CRYBG3: variants seen among roughly 807,000 people sequenced by gnomAD.
The protein encoded by CRYBG3 is crystallin beta-gamma domain containing 3, also known as very large A-kinase anchor protein.
In CRYBG3, 127 loss-of-function variants were observed where a neutral mutation model predicts 244.2. The observed-to-expected ratio is 0.52, with a 90% CI of 0.45 to 0.60. CRYBG3 has a LOEUF of 0.60. Among genes scored for constraint, CRYBG3 ranks in the 20% least tolerant of loss-of-function variants. CRYBG3 has a pLI of 0.00. For missense variants in CRYBG3, 3,325 were observed against 3,442.5 expected (o/e 0.97, Z 0.85); for synonymous variants, 1,132 against 1,195.8 (o/e 0.95, Z 1.10).
At chr3:97,869,967 C>A (rs989592556) in intron 3 of CRYBG3, among the ~76,000 whole-genome samples, 3 of 151,976 alleles carry the variant, frequency 2.0e-5, no homozygotes, top group Admixed American at 2.0e-4. Context: ...AATGTAACTG[C>A]TTTAAAGTTG....
chr3:97,876,447 C>T lies in CRYBG3; in HGVS notation c.5253C>T (p.Gly1751=), dbSNP rs1166320105. 8.1e-7 allele frequency: 1 copy of T among 1,231,950 alleles called. No individual in the cohort carries two copies. The highest frequency in any genetic ancestry group is 1.0e-6 in the Non-Finnish European group (1 of 987,920). 76.3% of individuals were successfully genotyped at this position (1,231,950 alleles called of 1,614,324 possible). ...TYPKDTERDG[G]KTEVMPLALE... ...CAAAGGATACTGAAAGAGACGGTGG[C>T]AAAACTGAGGTGATGCCCCTTGCAT... Residue 1751 remains glycine (G), a synonymous_variant, in exon 4 of 22, where the codon GGC becomes GGT. Coordinates refer to ENST00000389622, the MANE Select transcript of CRYBG3 (RefSeq NM_153605.4).
At chr3:97,938,134 CCAA>C (rs2040184524) in intron 19 of CRYBG3, among the ~76,000 whole-genome samples, 1 of 151,494 alleles carries the variant, frequency 6.6e-6, no homozygotes, top group Non-Finnish European at 1.5e-5. Context: ...TTGCTTGATT[CCAA>C]CAACAGTCCT....
intron 2 of CRYBG3, among the ~76,000 whole-genome samples, chr3:97,849,438 TAAA>T: frequency 6.8e-6 from 1 of 146,292 alleles, no homozygotes; most frequent in African/African-American, 2.5e-5. Flanking sequence ...TGATTGCTTC[TAAA>T]AAAAAAAAGT....
chr3:97,944,980 T>G lies in CRYBG3; in HGVS notation c.*1666T>G. 2.5e-6 allele frequency: 1 copy of G among 407,714 alleles called. No individual in the cohort carries two copies. The highest frequency in any genetic ancestry group is 4.2e-5 in the Admixed American group (1 of 23,900). 25.3% of individuals were successfully genotyped at this position (407,714 alleles called of 1,614,324 possible). On this transcript the variant is annotated 3_prime_UTR_variant, in exon 22 of 22. Coordinates refer to ENST00000389622, the MANE Select transcript of CRYBG3 (RefSeq NM_153605.4). Reference sequence around the variant, plus strand: ...GTCAAAATATGGTTTTGTCATTTTCTGAGACACTTGGTAATTTGCTGTTCT... The same window carrying G: ...GTCAAAATATGGTTTTGTCATTTTCGGAGACACTTGGTAATTTGCTGTTCT...
chr3:97,894,157 T>C (rs2039613152), intron 11 of CRYBG3, among the ~76,000 whole-genome samples: 1 of 152,186 alleles, frequency 6.6e-6, no homozygotes, highest in African/African-American at 2.4e-5. Context: ...TTTTGCCTTT[T>C]CCTCACTTTG....
chr3:97,915,893 C>T (rs760770188), intron 17 of CRYBG3, among the ~76,000 whole-genome samples, 157 bp downstream of exon 17: 23 of 152,020 alleles, frequency 1.5e-4, no homozygotes, highest in Non-Finnish European at 2.8e-4. Flanking sequence ...AACTGAGGTT[C>T]ATTCATGAAC....
intron 15 of CRYBG3, among the ~76,000 whole-genome samples, chr3:97,910,986 A>T (rs1193989713): frequency 1.3e-5 from 2 of 152,224 alleles, no homozygotes; most frequent in Non-Finnish European, 2.9e-5. Flanking sequence ...TTAAGGCAAG[A>T]AGTCCCTTGA....
intron 7 of CRYBG3, 60 bp downstream of exon 7, chr3:97,881,279 T>C (rs777534416): frequency 1.8e-4 from 211 of 1,171,248 alleles, no homozygotes; most frequent in Non-Finnish European, 2.4e-4. Context: ...AGTAAACCTG[T>C]GCTGTGGCCT....
intron 2 of CRYBG3, among the ~76,000 whole-genome samples, chr3:97,847,038 G>A (rs900061391): frequency 6.6e-6 from 1 of 152,154 alleles, no homozygotes; most frequent in African/African-American, 2.4e-5. Flanking sequence ...CATAGCAAGA[G>A]CAGGAGCAAG....
intron 1 of CRYBG3, among the ~76,000 whole-genome samples, chr3:97,835,131 A>G (rs1304966330): frequency 6.6e-6 from 1 of 152,142 alleles, no homozygotes; most frequent in Non-Finnish European, 1.5e-5. Flanking sequence ...GTATATTTAT[A>G]TGTTGTAAAA....
At chr3:97,923,763 A>G (rs2040010004) in intron 17 of CRYBG3, among the ~76,000 whole-genome samples, 1 of 152,142 alleles carries the variant, frequency 6.6e-6, no homozygotes, top group Admixed American at 6.6e-5. Flanking sequence ...ACACAAGGGA[A>G]TAAGTTTTTT....
chr3:97,944,775 T>C lies in CRYBG3; in HGVS notation c.*1461T>C, dbSNP rs1575987626. ...TCTATACACAAAGGTATGTATATTT[T>C]CATTATAAAAAACCAGTTTAAAATT... On this transcript the variant is annotated 3_prime_UTR_variant, in exon 22 of 22. Transcript: ENST00000389622. 1 of 155,012 alleles carries C rather than the reference T, an allele frequency of 6.5e-6. No individual in the cohort carries two copies. The highest frequency in any genetic ancestry group is 6.5e-5 in the Admixed American group (1 of 15,470). The allele number at this position is 155,012 out of a possible 1,614,324, so 9.6% of individuals were successfully genotyped here. A position where few individuals can be genotyped will look rare whatever the true frequency, so the allele number is the denominator to read the frequency against.
At chr3:97,837,585 A>G (rs114040330) in intron 1 of CRYBG3, among the ~76,000 whole-genome samples, 5 of 152,242 alleles carry the variant, frequency 3.3e-5, no homozygotes, top group Non-Finnish European at 5.9e-5. Flanking sequence ...GGTTGGAAAC[A>G]AAGGAGAGAA....
At chr3:97,908,956 C>T (rs1156365269) in intron 15 of CRYBG3, among the ~76,000 whole-genome samples, 1 of 152,082 alleles carries the variant, frequency 6.6e-6, no homozygotes, top group Non-Finnish European at 1.5e-5. Context: ...GTGACAAAAT[C>T]TCTCAGCATA....
At chr3:97,837,950 G>GCTC (rs975974615) in intron 1 of CRYBG3, among the ~76,000 whole-genome samples, 1 of 152,024 alleles carries the variant, frequency 6.6e-6, no homozygotes, top group African/African-American at 2.4e-5. Flanking sequence ...TTACAGGAGG[G>GCTC]GAGGAGAGCT....
intron 12 of CRYBG3, among the ~76,000 whole-genome samples, chr3:97,897,433 A>C (rs538070356): frequency 1.3e-5 from 2 of 152,180 alleles, no homozygotes; most frequent in East Asian, 3.9e-4. Flanking sequence ...AGTGCTTTAA[A>C]ATATAAAATG....
At chr3:97,880,652 A>G (rs1040482228) in intron 6 of CRYBG3, among the ~76,000 whole-genome samples, 1 of 152,194 alleles carries the variant, frequency 6.6e-6, no homozygotes, top group African/African-American at 2.4e-5. Context: ...GTCTTAAATC[A>G]TATGGTGTAA....
At chr3:97,844,920 G>T (rs903412840) in intron 2 of CRYBG3, among the ~76,000 whole-genome samples, 12 of 152,106 alleles carry the variant, frequency 7.9e-5, no homozygotes, top group Admixed American at 7.9e-4. Context: ...TGAAGCCTAT[G>T]AGTTTACTTA....
Position 97,822,089 on chromosome 3 carries a change from C to T in CRYBG3, c.-118C>T. 1 of 822,046 alleles carries T rather than the reference C, an allele frequency of 1.2e-6. No homozygotes were observed. Among genetic ancestry groups the T allele is most frequent in the Non-Finnish European group, 1.7e-6 (1 of 599,124 alleles). 50.9% of individuals were successfully genotyped at this position (822,046 alleles called of 1,614,324 possible). On this transcript the variant is annotated 5_prime_UTR_variant, in exon 1 of 22. Coordinates refer to ENST00000389622, the MANE Select transcript of CRYBG3 (RefSeq NM_153605.4). ...GAGAGAGACTGAGCCGCGCTGGCAG[C>T]TCGCGTCGAGTCGGTCTGCCCTAGC...
Sources: allele counts gnomAD v4.1 joint callset (sites outside exome capture counted in the v4.1 genomes callset), GRCh38; gene constraint gnomAD v4.1.1; transcripts MANE v1.5; gene names NCBI Gene and HGNC (gene_info 2026-07-23, HGNC 2026-07-21).